The following MGST1 variants were observed in gnomAD, a reference collection of about 807,000 sequenced individuals.
MGST1 encodes microsomal glutathione S-transferase 1.
In MGST1, 5 loss-of-function variants were observed where a neutral mutation model predicts 8.9. The observed-to-expected ratio is 0.56, with a 90% CI of 0.29 to 1.19. MGST1 has a LOEUF of 1.19. MGST1 is among the 50% of genes most tolerant of loss of function. MGST1 has a pLI of 0.08. For synonymous variants in MGST1, 54 were observed against 67.8 expected (o/e 0.80, Z 1.00); for missense variants, 182 against 187.4 (o/e 0.97, Z 0.17).
intron 4 of MGST1, among the ~76,000 whole-genome samples, chr12:16,473,827 G>A (rs1941303601): frequency 6.6e-6 from 1 of 152,110 alleles, no homozygotes; most frequent in African/African-American, 2.4e-5. Flanking sequence ...GTTGCAGTGA[G>A]CCATGACTGT....
chr12:16,365,783 G>A (rs1433811152), downstream of MGST1, among the ~76,000 whole-genome samples: 1 of 151,404 alleles, frequency 6.6e-6, no homozygotes. Context: ...CTCTGGAGTT[G>A]GGCAACTGAC....
At chr12:16,480,182 A>T (rs184800735) in intron 4 of MGST1, among the ~76,000 whole-genome samples, 1 of 144,260 alleles carries the variant, frequency 6.9e-6, no homozygotes, top group East Asian at 2.0e-4. Flanking sequence ...TCACCCTATC[A>T]CCCAGGCTGG....
At chr12:16,402,540 A>AT in intron 1 of MGST1, 1 of 821,556 alleles carries the variant, frequency 1.2e-6, no homozygotes, top group East Asian at 2.6e-5. Context: ...ATAAGCTACT[A>AT]ACACTTCTTA....
At chr12:16,459,822 G>A (rs1199078295) in intron 4 of MGST1, among the ~76,000 whole-genome samples, 1 of 152,020 alleles carries the variant, frequency 6.6e-6, no homozygotes, top group South Asian at 2.1e-4. Context: ...TTAACTTTGC[G>A]TATGGCCTGG....
downstream of MGST1, among the ~76,000 whole-genome samples, chr12:16,589,919 T>C (rs1399483910): frequency 6.6e-6 from 1 of 152,070 alleles, no homozygotes; most frequent in African/African-American, 2.4e-5. This position sits in a 1 kb window ranked among gnomAD's most constrained non-coding sequence, Gnocchi z 4.2. Flanking sequence ...CCGTCTAGCT[T>C]TCTGGGAAGT....
rs116845505 is a variant in MGST1 at position 16,434,410 on chromosome 12, G to T, written n.779-2978G>T. Among the ~76,000 whole-genome samples the T allele has an allele frequency of 8.1e-3, 1,222 of 151,202 alleles. 8 individuals are homozygous for T. Among genetic ancestry groups the T allele is most frequent in the Non-Finnish European group, 0.013 (887 of 67,736 alleles). On this transcript the variant is annotated intron_variant and non_coding_transcript_variant, in intron 1 of 1. Transcript: ENST00000359720. ...CGATCACTTATTATGTCTCATTATA[G>T]TTCCAAGTAATTCTCATTTATTTTA...
At chr12:16,461,927 T>A (rs533704337) in intron 4 of MGST1, among the ~76,000 whole-genome samples, 5 of 152,246 alleles carry the variant, frequency 3.3e-5, no homozygotes, top group Admixed American at 2.6e-4. Flanking sequence ...GAAATAGCTA[T>A]TCCTAACAAT....
At chr12:16,404,597 C>T (rs999781342) in intron 1 of MGST1, among the ~76,000 whole-genome samples, 2 of 152,036 alleles carry the variant, frequency 1.3e-5, no homozygotes, top group African/African-American at 4.8e-5. Flanking sequence ...CTTAACTAAT[C>T]AAAGTCCAAA....
chr12:16,444,401 T>C (rs1941063590), intron 4 of MGST1, among the ~76,000 whole-genome samples: 1 of 151,808 alleles, frequency 6.6e-6, no homozygotes, highest in African/African-American at 2.4e-5. Flanking sequence ...TGCTCATGAA[T>C]TCATTATGTA....
rs924772918 is a variant in MGST1, at chr12:16,471,393, G to A, written n.482+87789G>A. 4.6e-5 allele frequency among the ~76,000 whole-genome samples: 7 copies of A among 152,220 alleles called. No individual in the cohort carries two copies. In the South Asian group the frequency reaches 1.5e-3, roughly 32 times the overall value. The stretch of plus-strand genomic sequence containing the variant: ...TATTAGAATTGAATCACCCCCACCT[G>A]TTTATATTATTAATAATTTTATCAA... On this transcript the variant is annotated intron_variant and non_coding_transcript_variant, in intron 4 of 4. Coordinates refer to the MGST1 transcript ENST00000538857.
intron 4 of MGST1, among the ~76,000 whole-genome samples, chr12:16,475,799 T>A (rs371711495): frequency 1.3e-5 from 2 of 152,260 alleles, no homozygotes; most frequent in Admixed American, 6.5e-5. Context: ...AGGTGGCTGA[T>A]GAATTAATGA....
intron 4 of MGST1, among the ~76,000 whole-genome samples, chr12:16,472,006 T>A (rs1189005692): frequency 6.6e-6 from 1 of 152,082 alleles, no homozygotes; most frequent in Non-Finnish European, 1.5e-5. Context: ...GCTCCAGGCA[T>A]TTTGAACTGT....
rs1332048054 is a variant in MGST1, at chr12:16,482,617, C to T, written n.482+99013C>T. Among the ~76,000 whole-genome samples the T allele has an allele frequency of 7.1e-6, 1 of 140,382 alleles. No individual in the cohort carries two copies. The highest frequency in any genetic ancestry group is 7.5e-5 in the Admixed American group (1 of 13,274). The allele number at this position is 140,382 out of a possible 152,430, so 92.1% of individuals were successfully genotyped here. A position where few individuals can be genotyped will look rare whatever the true frequency, so the allele number is the denominator to read the frequency against. ...CTGCACTCCAGCCTGGGTTACAGAG[C>T]AAGACTCTGTCTGGAAGAAAAAAAA... On this transcript the variant is annotated intron_variant and non_coding_transcript_variant, in intron 4 of 4. Coordinates refer to the MGST1 transcript ENST00000538857. The surrounding 1 kb of genome is among the most constrained non-coding windows in gnomAD (Gnocchi z 4.2).
intron 2 of MGST1, among the ~76,000 whole-genome samples, chr12:16,357,032 C>T (rs943446445): frequency 6.6e-6 from 1 of 152,148 alleles, no homozygotes; most frequent in African/African-American, 2.4e-5. Context: ...CCCATATTTG[C>T]TTCCTTTTCA....
At chr12:16,518,506 T>G (rs1272121571) in intron 4 of MGST1, among the ~76,000 whole-genome samples, 1 of 152,164 alleles carries the variant, frequency 6.6e-6, no homozygotes, top group Non-Finnish European at 1.5e-5. Context: ...GTTCCCTCTT[T>G]TTTAAAAAAA....
intron 3 of MGST1, among the ~76,000 whole-genome samples, chr12:16,359,234 T>G (rs1939877910): frequency 6.6e-6 from 1 of 152,166 alleles, no homozygotes; most frequent in Non-Finnish European, 1.5e-5. Context: ...TGTACCTCCT[T>G]CACGCAAGCA....
chr12:16,453,722 C>T (rs1387777142), intron 4 of MGST1, among the ~76,000 whole-genome samples: 1 of 151,888 alleles, frequency 6.6e-6, no homozygotes, highest in Non-Finnish European at 1.5e-5. Context: ...GGTTTGCCAA[C>T]AATCTTTAAT....
At position 16,559,608 on chromosome 12, in the gene MGST1, T is replaced by C. The variant is rs1280752335; in HGVS notation, n.483-29920T>C. Among the ~76,000 whole-genome samples the C allele has an allele frequency of 6.6e-6, 1 of 152,126 alleles. No homozygotes were observed. Among genetic ancestry groups the C allele is most frequent in the Non-Finnish European group, 1.5e-5 (1 of 68,014 alleles). The stretch of plus-strand genomic sequence containing the variant: ...TATCTGGACTGATTCTCAAAGATAT[T>C]TGAAGTAACTGCAAAAGTACATATA... On this transcript the variant is annotated intron_variant and non_coding_transcript_variant, in intron 4 of 4. Coordinates refer to the MGST1 transcript ENST00000538857. The surrounding 1 kb of genome is among the most constrained non-coding windows in gnomAD (Gnocchi z 4.1).
At chr12:16,411,120 ACTTGCTTT>A (rs1452371616) in intron 1 of MGST1, among the ~76,000 whole-genome samples, 1 of 152,040 alleles carries the variant, frequency 6.6e-6, no homozygotes, top group African/African-American at 2.4e-5. Flanking sequence ...TCAAGGTATT[ACTTGCTTT>A]CTTTTCTGGG....
Sources: allele counts gnomAD v4.1 joint callset (sites outside exome capture counted in the v4.1 genomes callset), GRCh38; gene constraint gnomAD v4.1.1; non-coding constraint Gnocchi (gnomAD v3.1); transcripts MANE v1.5; gene names NCBI Gene and HGNC (gene_info 2026-07-23, HGNC 2026-07-21).